The following SAMD7 variants were observed in gnomAD, a reference collection of about 807,000 sequenced individuals.
SAMD7 encodes the protein sterile alpha motif domain containing 7, also known as sterile alpha motif domain-containing protein 7.
SAMD7 carries 34 observed loss-of-function variants against 36.7 expected under a neutral mutation model. The observed-to-expected ratio is 0.93, with a 90% confidence interval of 0.71 to 1.23. The LOEUF is 1.23. Among genes scored for constraint, SAMD7 ranks in the 50% most tolerant of loss-of-function variants. The pLI is 0.00. For missense variants in SAMD7, 570 were observed against 546.6 expected (o/e 1.04, Z -0.43); for synonymous variants, 188 against 189.7 (o/e 0.99, Z 0.07).
chr3:169,925,179 T>G, intron 5 of SAMD7, 43 bp downstream of exon 5: 1 of 1,305,110 alleles, frequency 7.7e-7, no homozygotes, highest in Non-Finnish European at 1.1e-6. Context: ...ATTCATTCAC[T>G]TGCTCATTTA....
At chr3:169,932,713 C>T (rs1374321439) in intron 7 of SAMD7, 10 of 550,760 alleles carry the variant, frequency 1.8e-5, no homozygotes, top group Non-Finnish European at 3.3e-5. Flanking sequence ...AACACTGACA[C>T]CCGTGGGCCA....
At chr3:169,929,259 G>A (rs1304843244) in intron 7 of SAMD7, among the ~76,000 whole-genome samples, 1 of 151,894 alleles carries the variant, frequency 6.6e-6, no homozygotes, top group African/African-American at 2.4e-5. Context: ...CATGCATTTA[G>A]TTTACTTTTT....
In SAMD7 at chr3:169,915,377, G is replaced by A. The variant is rs1237494985; in HGVS notation, c.-106G>A. 6.6e-6 allele frequency: 1 copy of A among 151,916 alleles called. No individual in the cohort carries two copies. The highest frequency in any genetic ancestry group is 1.5e-5 in the Non-Finnish European group (1 of 67,992). The allele number at this position is 151,916 out of a possible 1,614,324, so 9.4% of individuals were successfully genotyped here. On this transcript the variant is annotated 5_prime_UTR_variant, in exon 2 of 9. Transcript: ENST00000335556. ...AATTTCTTGTCTTAGGGCCTCCTTT[G>A]GGGATTCCAAAGTAAGACAATCTCA...
chr3:169,919,657 G>T, intron 3 of SAMD7, 73 bp downstream of exon 3: 2 of 1,214,636 alleles, frequency 1.6e-6, no homozygotes, highest in Non-Finnish European at 2.5e-6. Context: ...ATGATGTTAA[G>T]TCTAGTGTTG....
chr3:169,938,248 T>G, intron 8 of SAMD7, 70 bp from the exon 9 acceptor site: 1 of 958,482 alleles, frequency 1.0e-6, no homozygotes, highest in Non-Finnish European at 1.6e-6. Flanking sequence ...CTCTCTGTGA[T>G]GTGTGTTTAA....
intron 5 of SAMD7, chr3:169,926,290 C>T (rs1713253112): frequency 7.2e-7 from 1 of 1,383,230 alleles, no homozygotes; most frequent in Non-Finnish European, 9.5e-7. Context: ...GCTGCGTAAG[C>T]CCCATCCCTG....
chr3:169,935,185 G>C (rs1713676193), intron 7 of SAMD7, among the ~76,000 whole-genome samples: 1 of 152,204 alleles, frequency 6.6e-6, no homozygotes, highest in Non-Finnish European at 1.5e-5. Context: ...AAGGGAGTGA[G>C]AGACATGAGG....
intron 7 of SAMD7, chr3:169,932,391 C>T (rs1331231477): frequency 3.1e-6 from 2 of 641,816 alleles, no homozygotes; most frequent in African/African-American, 1.8e-5. Flanking sequence ...AGTAGTATAG[C>T]CGAGACTATG....
At chr3:169,924,688 A>G (rs1206626549) in intron 4 of SAMD7, among the ~76,000 whole-genome samples, 2 of 152,210 alleles carry the variant, frequency 1.3e-5, no homozygotes, top group African/African-American at 4.8e-5. Flanking sequence ...CACAATGTAT[A>G]TACATATATC....
chr3:169,933,550 C>T (rs1288537766), intron 7 of SAMD7, among the ~76,000 whole-genome samples: 1 of 152,218 alleles, frequency 6.6e-6, no homozygotes, highest in African/African-American at 2.4e-5. Flanking sequence ...TAGATGAATA[C>T]TGGGATTGGC....
At chr3:169,938,239 T>G in intron 8 of SAMD7, 79 bp from the exon 9 acceptor site, 1 of 903,418 alleles carries the variant, frequency 1.1e-6, no homozygotes, top group South Asian at 1.6e-5. Context: ...TACCTCAGCC[T>G]CTCTGTGATG....
chr3:169,914,530 C>T (rs1712721898), intron 1 of SAMD7, among the ~76,000 whole-genome samples: 1 of 152,264 alleles, frequency 6.6e-6, no homozygotes, highest in South Asian at 2.1e-4. Flanking sequence ...GACATTTCTG[C>T]AGGCACTTGG....
At chr3:169,915,321 G>A (rs555381295) in intron 1 of SAMD7, 46 bp from the exon 2 acceptor site, 1 of 152,216 alleles carries the variant, frequency 6.6e-6, no homozygotes, top group Admixed American at 6.6e-5. Flanking sequence ...CGGGCTTCCT[G>A]GGATTACCTC....
At chr3:169,936,200 TAA>T in intron 7 of SAMD7, 137 bp from the exon 8 acceptor site, 1 of 588,766 alleles carries the variant, frequency 1.7e-6, no homozygotes, top group Non-Finnish European at 3.1e-6. Flanking sequence ...AGAGAGCAAC[TAA>T]AAAAAGGTTT....
At chr3:169,921,513 C>A (rs1287087736) in intron 4 of SAMD7, among the ~76,000 whole-genome samples, 175 bp downstream of exon 4, 1 of 152,158 alleles carries the variant, frequency 6.6e-6, no homozygotes, top group Non-Finnish European at 1.5e-5. Flanking sequence ...ACTGTGTGAC[C>A]AAGTGTAAGC....
intron 2 of SAMD7, 62 bp from the exon 3 acceptor site, chr3:169,919,396 G>C: frequency 2.2e-6 from 2 of 895,040 alleles, no homozygotes; most frequent in Non-Finnish European, 3.7e-6. Flanking sequence ...TGTTCAAGAA[G>C]AATTCAAATA....
At chr3:169,919,633 C>A (rs1322445909) in intron 3 of SAMD7, 49 bp downstream of exon 3, 1 of 1,373,060 alleles carries the variant, frequency 7.3e-7, no homozygotes, top group Non-Finnish European at 1.0e-6. Flanking sequence ...CATGGACAAT[C>A]ATTACGTTTT....
chr3:169,938,184 G>T (rs1713789502), intron 8 of SAMD7, 134 bp from the exon 9 acceptor site: 2 of 620,444 alleles, frequency 3.2e-6, no homozygotes, highest in Admixed American at 3.0e-5. Context: ...TCCTACAATT[G>T]TGACCCCCAC....
chr3:169,913,789 G>A (rs1436173706), intron 1 of SAMD7, among the ~76,000 whole-genome samples: 2 of 152,156 alleles, frequency 1.3e-5, no homozygotes, highest in Non-Finnish European at 2.9e-5. Context: ...GGGGTGCCCT[G>A]AAAATATGAA....
Sources: gnomAD v4.1 joint callset for allele counts (sites outside exome capture counted in the v4.1 genomes callset) on GRCh38, gnomAD v4.1.1 for gene constraint, MANE v1.5 for transcripts, NCBI Gene and HGNC (gene_info 2026-07-23, HGNC 2026-07-21) for gene names.